Variants in CSF2RA observed in about 807,000 individuals in gnomAD.
CSF2RA encodes the protein granulocyte-macrophage colony-stimulating factor receptor subunit alpha.
In CSF2RA, 42 loss-of-function variants were observed where a neutral mutation model predicts 51.6. That is an observed-to-expected ratio of 0.81 (90% CI 0.64 to 1.05). CSF2RA has a LOEUF of 1.05. Among genes scored for constraint, CSF2RA ranks in the 50% least tolerant of loss-of-function variants. CSF2RA has a pLI of 0.00. For missense variants in CSF2RA, 530 were observed against 501.1 expected (o/e 1.06, Z -0.55); for synonymous variants, 222 against 193.0 (o/e 1.15, Z -1.24).
chrX:1,293,748 C>T (rs2091632412), intron 7 of CSF2RA, among the ~76,000 whole-genome samples: 1 of 151,268 alleles, frequency 6.6e-6, no homozygotes, highest in African/African-American at 2.4e-5. Flanking sequence ...GTCCCTAGTC[C>T]ACATCCACCT....
At chrX:1,276,950 T>C (rs2089261164) in intron 2 of CSF2RA, among the ~76,000 whole-genome samples, 1 of 151,252 alleles carries the variant, frequency 6.6e-6, no homozygotes, top group South Asian at 2.1e-4. Context: ...AATACAAAAA[T>C]TAGCTGGGCG....
intron 12 of CSF2RA, among the ~76,000 whole-genome samples, chrX:1,308,697 C>T (rs1247352437): frequency 5.3e-5 from 8 of 152,108 alleles, no homozygotes; most frequent in Admixed American, 3.3e-4. Context: ...TCCACCCCCA[C>T]GCCAGCCTCC....
chrX:1,308,371 G>C (rs2083891070), intron 12 of CSF2RA, among the ~76,000 whole-genome samples: 1 of 152,100 alleles, frequency 6.6e-6, no homozygotes, highest in Non-Finnish European at 1.5e-5. Flanking sequence ...AAGAAGGTGA[G>C]AGGGGGAGGA....
the CSF2RA span, among the ~76,000 whole-genome samples, chrX:1,323,242 G>A: frequency 1.3e-5 from 2 of 148,448 alleles, no homozygotes; most frequent in African/African-American, 5.0e-5. Context: ...AACCGGGAGC[G>A]GTGGCTCACG....
At chrX:1,305,738 T>A in intron 12 of CSF2RA, 1 of 1,552,118 alleles carries the variant, frequency 6.4e-7, no homozygotes, top group Non-Finnish European at 8.7e-7. Context: ...CTCTGTGAGC[T>A]CCATCAGGAG....
downstream of CSF2RA, among the ~76,000 whole-genome samples, chrX:1,310,858 G>C (rs59978821): frequency 0.47 from 70,528 of 151,662 alleles, 18,981 homozygotes; most frequent in East Asian, 0.76. Flanking sequence ...GTGTTTGAAT[G>C]AAGAGGGGGC....
chrX:1,287,619 T>C lies in CSF2RA; in HGVS notation c.220-900T>C, dbSNP rs748385028. Among the ~76,000 whole-genome samples the C allele has an allele frequency of 2.3e-4, 34 of 145,686 alleles. 1 individual carries two copies. The highest frequency in any genetic ancestry group is 9.7e-4 in the Admixed American group (14 of 14,454). ...CCACCACACCTGGCTAATTTTTGTA[T>C]TTTTAGTAGAGACGGGGTTTCACCA... On this transcript the variant is annotated intron_variant, in intron 4 of 12. Transcript: ENST00000381529.
Position 1,299,653 on chromosome X carries a change from C to A in CSF2RA, c.811-838C>A, listed in dbSNP as rs183939104. ...AAAATTTTAGCCAGGCACGGTGGCT[C>A]ACGCCTGTCATCCCAGCACCTTGGG... On this transcript the variant is annotated intron_variant, in intron 9 of 12. Coordinates refer to ENST00000381529, the MANE Select transcript of CSF2RA (RefSeq NM_172245.4). 5.5e-3 allele frequency among the ~76,000 whole-genome samples: 832 copies of A among 152,338 alleles called. 10 individuals carry two copies. Among genetic ancestry groups the A allele is most frequent in the African/African-American group, 0.019 (795 of 41,578 alleles).
intron 4 of CSF2RA, chrX:1,287,147 C>CTTTTTTT (rs760358278): frequency 2.7e-5 from 3 of 110,814 alleles, no homozygotes; most frequent in Admixed American, 9.8e-5. Flanking sequence ...AGATGACATA[C>CTTTTTTT]TTTTTTTTTT....
chrX:1,300,807 C>G (rs1454890156), intron 10 of CSF2RA, among the ~76,000 whole-genome samples, 181 bp downstream of exon 10: 1 of 152,030 alleles, frequency 6.6e-6, no homozygotes, highest in African/African-American at 2.4e-5. Context: ...TACTTGGTCC[C>G]GCAACATTGC....
intron 4 of CSF2RA, 91 bp from the exon 5 acceptor site, chrX:1,288,428 G>C: frequency 1.4e-6 from 2 of 1,461,428 alleles, no homozygotes; most frequent in Admixed American, 3.4e-5. Flanking sequence ...GTTGTAGTGA[G>C]CCGAGATCAC....
chrX:1,288,581 T>G lies in CSF2RA; in HGVS notation c.282T>G (p.Phe94Leu), dbSNP rs1437912257. The G allele has an allele frequency of 6.2e-7, 1 of 1,613,820 alleles. No homozygotes were observed. Among genetic ancestry groups the G allele is most frequent in the Non-Finnish European group, 8.5e-7 (1 of 1,179,876 alleles). ...TTTGTCTGCATGAAGGAGTCACATT[T>G]GAGGTTCACGTGAATACTAGTCAAA... The part of the protein sequence containing the change: ...REICLHEGVT[F>L]EVHVNTSQRG... Residue 94 changes from phenylalanine to leucine, a missense_variant, in exon 5 of 13, where the codon TTT becomes TTG. Transcript: ENST00000381529.
chrX:1,271,624 C>A (rs1285934846), intron 1 of CSF2RA, among the ~76,000 whole-genome samples: 2 of 152,016 alleles, frequency 1.3e-5, no homozygotes, highest in Non-Finnish European at 2.9e-5. Context: ...TCAAGTGATT[C>A]TCCTGCCTCA....
chrX:1,323,158 T>TAAAATAAAATAAAATAAAATAAA, the CSF2RA span, among the ~76,000 whole-genome samples: 1 of 133,954 alleles, frequency 7.5e-6, no homozygotes, highest in South Asian at 2.2e-4. Flanking sequence ...ACATTACAAT[T>TAAAATAAAATAAAATAAAATAAA]ATAAAATAAA....
rs763069762 is a variant in CSF2RA, at chrX:1,288,513, C to T, written c.220-6C>T. On this transcript the variant is annotated splice_region_variant and splice_polypyrimidine_tract_variant and intron_variant, in intron 4 of 12. Coordinates refer to ENST00000381529, the MANE Select transcript of CSF2RA (RefSeq NM_172245.4). ...TAATCGGCTCTGTCTGGTTGCAATT[C>T]TTCAGCTCAGTAACAACGAATGTTC... The T allele has an allele frequency of 6.8e-6, 11 of 1,613,956 alleles. No individual in the cohort carries two copies. The East Asian group carries it at 2.5e-4, about 36-fold the overall frequency.
chrX:1,324,899 C>G, the CSF2RA span, among the ~76,000 whole-genome samples: 1 of 152,186 alleles, frequency 6.6e-6, no homozygotes, highest in South Asian at 2.1e-4. Flanking sequence ...TGTCAGAGCC[C>G]TGTGTCCAAG....
At chrX:1,270,211 A>G (rs192531669) in intron 1 of CSF2RA, among the ~76,000 whole-genome samples, 21 of 151,436 alleles carry the variant, frequency 1.4e-4, no homozygotes, top group Admixed American at 5.3e-4. Context: ...TTTTGCAGTA[A>G]TCAATATTGT....
At chrX:1,286,159 C>G (rs1195500130) in intron 4 of CSF2RA, among the ~76,000 whole-genome samples, 2 of 151,980 alleles carry the variant, frequency 1.3e-5, no homozygotes, top group Non-Finnish European at 2.9e-5. Flanking sequence ...GTAGTCCCAG[C>G]TACTCAGGAG....
At chrX:1,278,546 G>C (rs1468099224) in intron 2 of CSF2RA, among the ~76,000 whole-genome samples, 1 of 142,236 alleles carries the variant, frequency 7.0e-6, no homozygotes, top group Non-Finnish European at 1.5e-5. Context: ...AATTAGCCAG[G>C]CGTGTTGGTG....
Sources: gnomAD v4.1 joint callset for allele counts (sites outside exome capture counted in the v4.1 genomes callset) on GRCh38, gnomAD v4.1.1 for gene constraint, MANE v1.5 for transcripts, NCBI Gene and HGNC (gene_info 2026-07-23, HGNC 2026-07-21) for gene names.